The following BDNF variants were observed in gnomAD, a reference collection of about 807,000 sequenced individuals.
BDNF encodes the protein brain derived neurotrophic factor.
A neutral mutation model predicts 19.5 loss-of-function variants in BDNF; 1 was observed. The ratio of observed to expected loss-of-function variants is 0.05; its 90% CI spans 0.02 to 0.24. BDNF has a LOEUF of 0.24. BDNF is among the 10% of genes least tolerant of loss of function. BDNF has a pLI of 1.00. For missense variants in BDNF, 195 were observed against 317.6 expected, an observed-to-expected ratio of 0.61 and a Z score of 2.93; for synonymous variants, 100 against 121.6, an observed-to-expected ratio of 0.82 and a Z score of 1.17.
exon 1 of BDNF, chr11:27,721,598 C>T (rs1860740344): frequency 1.5e-6 from 1 of 684,490 alleles, no homozygotes; most frequent in South Asian, 1.6e-5. Context: ...AGCTTAAACT[C>T]TCAACCACCT....
chr11:27,713,351 A>G (rs952409421), intron 1 of BDNF, among the ~76,000 whole-genome samples: 19 of 152,196 alleles, frequency 1.2e-4, no homozygotes, highest in African/African-American at 3.6e-4. Context: ...TCAATTCAAG[A>G]GCCCCTGTAT....
At chr11:27,671,343 G>T (rs1855352387) in intron 1 of BDNF, among the ~76,000 whole-genome samples, 2 of 151,710 alleles carry the variant, frequency 1.3e-5, no homozygotes, top group African/African-American at 4.8e-5. Flanking sequence ...TATCAAGTAA[G>T]CATCATATTT....
intron 1 of BDNF, among the ~76,000 whole-genome samples, chr11:27,720,986 A>T (rs908721744): frequency 3.5e-5 from 2 of 56,542 alleles, no homozygotes; most frequent in Admixed American, 5.3e-4. Context: ...TCTTTACCCC[A>T]CCCTTACCCC....
At position 27,656,964 on chromosome 11, in the gene BDNF, GA is replaced by G. The variant is rs1195137115; in HGVS notation, c.*856del. ...AGAGGAGACCAGAGGGGGAGGGGGGGAAAGAATGTGTTCTGAGCAAACATAG... is the reference window on the plus strand; with the variant it reads ...AGAGGAGACCAGAGGGGGAGGGGGGGAAGAATGTGTTCTGAGCAAACATAG... On this transcript the variant is annotated 3_prime_UTR_variant, in exon 2 of 2. Coordinates refer to ENST00000356660, the MANE Select transcript of BDNF (RefSeq NM_001709.5). 35 of 985,162 alleles carry G rather than the reference GA, an allele frequency of 3.6e-5. No individual in the cohort carries two copies. Among genetic ancestry groups the G allele is most frequent in the Middle Eastern group, 5.2e-4 (1 of 1,936 alleles). 61.0% of individuals were successfully genotyped at this position (985,162 alleles called of 1,614,324 possible).
At chr11:27,701,269 GAA>G (rs1048080003), upstream of BDNF, 1 of 1,127,526 alleles carries the variant, frequency 8.9e-7, no homozygotes, top group African/African-American at 1.6e-5. Flanking sequence ...CAGAAAAACG[GAA>G]AGAGAAAGAA....
At chr11:27,688,671 CT>C (rs1412983545) in intron 1 of BDNF, among the ~76,000 whole-genome samples, 3 of 152,174 alleles carry the variant, frequency 2.0e-5, no homozygotes, top group African/African-American at 7.2e-5. Context: ...GGGAGTTCCC[CT>C]GACCCCTTGC....
intron 1 of BDNF, among the ~76,000 whole-genome samples, chr11:27,687,893 C>G (rs1489073209): frequency 6.6e-6 from 1 of 152,214 alleles, no homozygotes; most frequent in Non-Finnish European, 1.5e-5. Context: ...GGTCAGGGAC[C>G]TGCTTAAGAA....
chr11:27,692,986 C>T (rs1394988184), intron 1 of BDNF, among the ~76,000 whole-genome samples: 1 of 152,186 alleles, frequency 6.6e-6, no homozygotes, highest in African/African-American at 2.4e-5. Context: ...AACCACTTGC[C>T]ATTCCAGCCT....
chr11:27,660,154 A>T (rs1853228851), intron 1 of BDNF: 1 of 1,126,116 alleles, frequency 8.9e-7, no homozygotes, highest in African/African-American at 1.7e-5. Context: ...AAGGCAACCT[A>T]CCTCCAGTCA....
chr11:27,700,424 G>GGCA lies in BDNF; in HGVS notation c.-285_-283dup. 1.0e-6 allele frequency: 1 copy of GGCA among 985,470 alleles called. No homozygotes were observed. The highest frequency in any genetic ancestry group is 4.6e-5 in the South Asian group (1 of 21,664). The allele number at this position is 985,470 out of a possible 1,614,324, so 61.0% of individuals were successfully genotyped here. A position where few individuals can be genotyped will look rare whatever the true frequency, so the allele number is the denominator to read the frequency against. On this transcript the variant is annotated 5_prime_UTR_variant, in exon 1 of 2. Transcript: ENST00000356660. ...GGCGGGTGCGCCCGGGCGCGGCGGC[G>GGCA]GCAGCGTCGGGGACCCGGAGCTCCA...
chr11:27,674,350 G>C (rs1000461962), intron 1 of BDNF: 14 of 1,533,020 alleles, frequency 9.1e-6, no homozygotes, highest in African/African-American at 2.8e-5. Context: ...TAACTGTAAA[G>C]CACAGGAAAG....
At chr11:27,695,662 A>T (rs140618070) in intron 1 of BDNF, among the ~76,000 whole-genome samples, 13 of 152,270 alleles carry the variant, frequency 8.5e-5, no homozygotes, top group African/African-American at 3.1e-4. Context: ...CTCTGGAAAT[A>T]AACTTTTACT....
chr11:27,679,025 C>G (rs1395594229), intron 1 of BDNF, among the ~76,000 whole-genome samples: 1 of 152,158 alleles, frequency 6.6e-6, no homozygotes, highest in Non-Finnish European at 1.5e-5. Flanking sequence ...ACTATCCAGA[C>G]ACTGGGTTAG....
At chr11:27,688,911 T>G (rs954263174) in intron 1 of BDNF, among the ~76,000 whole-genome samples, 1 of 152,252 alleles carries the variant, frequency 6.6e-6, no homozygotes. Context: ...AGTCTCAGGT[T>G]TAAGTAAAAT....
chr11:27,691,124 A>G (rs1010605495), intron 1 of BDNF: 10 of 152,238 alleles, frequency 6.6e-5, no homozygotes, highest in African/African-American at 2.4e-4. Flanking sequence ...AAGAACTTCA[A>G]TCTTTAAAAA....
chr11:27,679,341 C>CAGGAGG (rs1234315439), intron 1 of BDNF, among the ~76,000 whole-genome samples: 1 of 152,200 alleles, frequency 6.6e-6, no homozygotes, highest in Admixed American at 6.5e-5. Context: ...TCCTCTTACA[C>CAGGAGG]AAGAGGCTTA....
At chr11:27,688,261 A>G (rs968003839) in intron 1 of BDNF, among the ~76,000 whole-genome samples, 3 of 152,138 alleles carry the variant, frequency 2.0e-5, no homozygotes, top group Admixed American at 1.3e-4. Flanking sequence ...CCCTCCCCCG[A>G]CCAAGCTGGA....
At chr11:27,668,568 A>AT (rs745339177) in intron 1 of BDNF, among the ~76,000 whole-genome samples, 34 of 152,226 alleles carry the variant, frequency 2.2e-4, no homozygotes, top group Non-Finnish European at 4.8e-4. Flanking sequence ...ATAAAAGGTG[A>AT]TAAAGGGGAT....
At chr11:27,720,014 T>TACAC (rs145503247) in intron 1 of BDNF, among the ~76,000 whole-genome samples, 1 of 150,346 alleles carries the variant, frequency 6.7e-6, no homozygotes, top group African/African-American at 2.4e-5. Flanking sequence ...GAATCTACTG[T>TACAC]ACACACACAC....
Sources: allele counts gnomAD v4.1 joint callset (sites outside exome capture counted in the v4.1 genomes callset), GRCh38; gene constraint gnomAD v4.1.1; transcripts MANE v1.5; gene names NCBI Gene and HGNC (gene_info 2026-07-23, HGNC 2026-07-21).